GRID2: variants seen among roughly 807,000 people sequenced by gnomAD.
GRID2 encodes glutamate ionotropic receptor delta type subunit 2.
Under a neutral mutation model 114.8 loss-of-function variants are expected in GRID2, and 33 were observed. That is an observed-to-expected ratio of 0.29 (90% confidence interval 0.22 to 0.38). The LOEUF is 0.38. Among genes scored for constraint, GRID2 ranks in the 10% least tolerant of loss-of-function variants. GRID2 has a pLI of 1.00. For synonymous variants in GRID2, 505 were observed against 449.9 expected, an observed-to-expected ratio of 1.12 and a Z score of -1.55; for missense variants, 1,184 against 1,257.7, an observed-to-expected ratio of 0.94 and a Z score of 0.89.
chr4:93,013,589 T>C (rs1212232096), intron 2 of GRID2, among the ~76,000 whole-genome samples: 1 of 151,954 alleles, frequency 6.6e-6, no homozygotes, highest in African/African-American at 2.4e-5. Flanking sequence ...GTATTAGAGG[T>C]TCGTGCTTGT....
chr4:93,312,767 C>T (rs1243547390), intron 8 of GRID2, among the ~76,000 whole-genome samples: 1 of 152,128 alleles, frequency 6.6e-6, no homozygotes, highest in Non-Finnish European at 1.5e-5. Context: ...AATATAAAAG[C>T]AAAACAAGAG....
intron 2 of GRID2, among the ~76,000 whole-genome samples, chr4:92,936,761 A>G (rs1377931171): frequency 1.4e-5 from 2 of 146,412 alleles, no homozygotes; most frequent in Non-Finnish European, 3.0e-5. Context: ...GATAATACAT[A>G]AAATTGTGAG....
chr4:92,869,767 C>G (rs1745141012), intron 2 of GRID2, among the ~76,000 whole-genome samples: 1 of 152,194 alleles, frequency 6.6e-6, no homozygotes, highest in Non-Finnish European at 1.5e-5. Flanking sequence ...CCCTATAATC[C>G]TCTTCCCCTA....
chr4:93,282,435 T>G (rs1273148993), intron 8 of GRID2: 2 of 435,682 alleles, frequency 4.6e-6, no homozygotes, highest in Non-Finnish European at 9.1e-6. Flanking sequence ...TTCTTCTTGC[T>G]GCATCATCTT....
intron 1 of GRID2, among the ~76,000 whole-genome samples, chr4:92,329,931 G>C (rs1345569450): frequency 6.6e-6 from 1 of 150,404 alleles, no homozygotes; most frequent in East Asian, 2.0e-4. Context: ...GAAAGAGTAA[G>C]GGAAAGGAGA....
In GRID2 at chr4:92,652,842, A is replaced by AAT. The variant is rs1369005005; in HGVS notation, c.244+62566_244+62567dup. The stretch of plus-strand genomic sequence containing the variant: ...ATATATAAATATATATAAATTTATA[A>AAT]ATATATATATAATATATAAATACAT... On this transcript the variant is annotated intron_variant, in intron 2 of 15. Transcript: ENST00000282020. 1.8e-3 allele frequency among the ~76,000 whole-genome samples: 256 copies of AAT among 139,326 alleles called. 15 individuals are homozygous for AAT. Among genetic ancestry groups the AAT allele is most frequent in the East Asian group, 9.9e-3 (45 of 4,554 alleles). 91.4% of individuals were successfully genotyped at this position (139,326 alleles called of 152,430 possible). A position where few individuals can be genotyped will look rare whatever the true frequency, so the allele number is the denominator to read the frequency against.
intron 4 of GRID2, among the ~76,000 whole-genome samples, chr4:93,112,430 G>A (rs914425756): frequency 1.3e-5 from 2 of 152,040 alleles, no homozygotes; most frequent in African/African-American, 4.8e-5. Context: ...TCTCATGATA[G>A]TGAGGGAGTT....
rs1179951763 is a variant in GRID2, at chr4:93,727,211, G to C, written c.2361-41999G>C. Among the ~76,000 whole-genome samples, 10 of 152,210 alleles carry C rather than the reference G, an allele frequency of 6.6e-5. No homozygotes were observed. The South Asian group carries it at 1.4e-3, about 22-fold the overall frequency. On this transcript the variant is annotated intron_variant, in intron 14 of 15. Transcript: ENST00000282020. ...TTAGCATGAAGGGTTGTTGAATTTT[G>C]TCAAAGGCCTTTTCTGCATCTATTA...
chr4:93,477,527 G>A (rs1415799918), intron 11 of GRID2, among the ~76,000 whole-genome samples: 1 of 152,030 alleles, frequency 6.6e-6, no homozygotes, highest in Admixed American at 6.6e-5. Context: ...TTAGAAGCTT[G>A]TTTAGAAACA....
chr4:93,455,123 C>T (rs1723065156), intron 10 of GRID2, among the ~76,000 whole-genome samples: 1 of 152,036 alleles, frequency 6.6e-6, no homozygotes, highest in African/African-American at 2.4e-5. Context: ...TGACCTTAGG[C>T]ATATGACACC....
chr4:92,578,320 C>A (rs550986829), intron 1 of GRID2, among the ~76,000 whole-genome samples: 4 of 133,576 alleles, frequency 3.0e-5, no homozygotes, highest in East Asian at 2.4e-4. Context: ...TTCCCGTGTC[C>A]ATGTGTTCTC....
At chr4:92,375,511 T>G (rs1579260015) in intron 1 of GRID2, among the ~76,000 whole-genome samples, 1 of 152,330 alleles carries the variant, frequency 6.6e-6, no homozygotes, top group Non-Finnish European at 1.5e-5. Context: ...GGTTACTGAT[T>G]AATGCCATTC....
chr4:93,549,324 T>C (rs972508185), intron 13 of GRID2, among the ~76,000 whole-genome samples: 3 of 152,142 alleles, frequency 2.0e-5, no homozygotes, highest in Admixed American at 6.6e-5. Context: ...AATTAGTATA[T>C]GATAAGCTGG....
chr4:93,303,156 A>G (rs1755049984), intron 8 of GRID2, among the ~76,000 whole-genome samples: 1 of 152,182 alleles, frequency 6.6e-6, no homozygotes, highest in South Asian at 2.1e-4. Context: ...ACCCACTATC[A>G]TGAGAACAGC....
intron 2 of GRID2, among the ~76,000 whole-genome samples, chr4:93,056,919 G>A (rs1290031590): frequency 6.6e-6 from 1 of 151,922 alleles, no homozygotes; most frequent in African/African-American, 2.4e-5. Context: ...TTAAACACAA[G>A]TATCTGCCAC....
Position 93,592,247 on chromosome 4 carries a change from G to A in GRID2, c.2194-34022G>A, listed in dbSNP as rs560001035. Among the ~76,000 whole-genome samples, 174 of 151,972 alleles carry A rather than the reference G, an allele frequency of 1.1e-3. 1 individual carries two copies. The highest frequency in any genetic ancestry group is 4.1e-3 in the African/African-American group (168 of 41,466). ...CTTTGAATGCATCCCAGAGATTCTG[G>A]TATGTTGTGTCTTTGTTCTCGTTGG... is the stretch of plus-strand genomic sequence containing the variant. On this transcript the variant is annotated intron_variant, in intron 13 of 15. Coordinates refer to ENST00000282020, the MANE Select transcript of GRID2 (RefSeq NM_001510.4).
chr4:92,358,779 T>G (rs16996321), intron 1 of GRID2, among the ~76,000 whole-genome samples: 3,832 of 151,956 alleles, frequency 0.025, 81 homozygotes, highest in East Asian at 0.11. Context: ...CATTTGATGA[T>G]AAGAAAAATC....
At chr4:92,326,974 T>A (rs1048806771) in intron 1 of GRID2, among the ~76,000 whole-genome samples, 4 of 151,956 alleles carry the variant, frequency 2.6e-5, no homozygotes, top group Non-Finnish European at 5.9e-5. Context: ...CCCTCTCTGA[T>A]TTTCTGATCA....
At chr4:92,649,667 T>G (rs1391427426) in intron 2 of GRID2, among the ~76,000 whole-genome samples, 1 of 152,008 alleles carries the variant, frequency 6.6e-6, no homozygotes, top group Admixed American at 6.6e-5. Context: ...CCATACTTAA[T>G]AACCAAATAA....
Sources: gnomAD v4.1 joint callset for allele counts (sites outside exome capture counted in the v4.1 genomes callset) on GRCh38, gnomAD v4.1.1 for gene constraint, MANE v1.5 for transcripts, NCBI Gene and HGNC (gene_info 2026-07-23, HGNC 2026-07-21) for gene names.